CCDC42: variants seen among roughly 807,000 people sequenced by gnomAD.
CCDC42 encodes the protein coiled-coil domain containing 42, also known as coiled-coil domain-containing protein 42.
Under a neutral mutation model 40.8 loss-of-function variants are expected in CCDC42, and 38 were observed. The observed-to-expected ratio is 0.93, with a 90% CI of 0.72 to 1.22. The LOEUF (loss-of-function observed/expected upper bound fraction) is 1.22. Among genes scored for constraint, CCDC42 ranks in the 50% most tolerant of loss-of-function variants. CCDC42 has a pLI of 0.00. For synonymous variants in CCDC42, 135 were observed against 157.5 expected, an observed-to-expected ratio of 0.86 and a Z score of 1.07; for missense variants, 379 against 416.5, an observed-to-expected ratio of 0.91 and a Z score of 0.78.
At chr17:8,737,627 G>A (rs1362997100) in intron 4 of CCDC42, among the ~76,000 whole-genome samples, 5 of 152,056 alleles carry the variant, frequency 3.3e-5, no homozygotes, top group Admixed American at 6.5e-5. Flanking sequence ...GTCTTCCCCC[G>A]ACCAGTGAGG....
chr17:8,742,520 G>A (rs1453408495), intron 3 of CCDC42, among the ~76,000 whole-genome samples: 1 of 152,182 alleles, frequency 6.6e-6, no homozygotes, highest in Non-Finnish European at 1.5e-5. Flanking sequence ...TAAGATTAGG[G>A]GCAAGCCCAC....
chr17:8,732,884 T>C (rs2086589651), intron 6 of CCDC42, among the ~76,000 whole-genome samples: 1 of 152,172 alleles, frequency 6.6e-6, no homozygotes, highest in African/African-American at 2.4e-5. Context: ...GGAATTCAAA[T>C]TGACTTGGCC....
At chr17:8,737,001 A>G (rs1372045460) in intron 4 of CCDC42, among the ~76,000 whole-genome samples, 1 of 128,218 alleles carries the variant, frequency 7.8e-6, no homozygotes, top group Admixed American at 8.0e-5. Context: ...GGGAGGGAGA[A>G]AGGAAGGAAA....
In CCDC42 at chr17:8,737,273, C is replaced by T. The variant is rs183787040; in HGVS notation, c.493-1662G>A. Among the ~76,000 whole-genome samples, 840 of 152,264 alleles carry T rather than the reference C, an allele frequency of 5.5e-3. 10 individuals are homozygous for T. In the Middle Eastern group the frequency reaches 0.072, roughly 13 times the overall value. On this transcript the variant is annotated intron_variant, in intron 4 of 6. Coordinates refer to ENST00000293845, the MANE Select transcript of CCDC42 (RefSeq NM_144681.3). ...CCACATCAGAGCTACTAGGAACACA[C>T]CTCTAAACTTAATGCTGATGTCAAA... is the stretch of plus-strand genomic sequence containing the variant.
At chr17:8,744,019 A>C in intron 2 of CCDC42, 60 bp downstream of exon 2, 19 of 1,070,620 alleles carry the variant, frequency 1.8e-5, no homozygotes, top group Non-Finnish European at 2.4e-5. Context: ...AGGCTCTCCC[A>C]GAGCCCCAGC....
intron 4 of CCDC42, among the ~76,000 whole-genome samples, chr17:8,740,928 A>G (rs533330178): frequency 6.6e-6 from 1 of 152,132 alleles, no homozygotes; most frequent in African/African-American, 2.4e-5. Context: ...AACTGAATGA[A>G]GTTACCCGTG....
At position 8,732,928 on chromosome 17, in the gene CCDC42, G is replaced by A. The variant is rs528316091; in HGVS notation, c.873+2168C>T. On this transcript the variant is annotated intron_variant, in intron 6 of 6. Transcript: ENST00000293845. ...AATCGCTTTTCCTAAGCTGTCCTGT[G>A]TACCACGTTCCTTGTTCTCTATAAG... Among the ~76,000 whole-genome samples the A allele has an allele frequency of 1.3e-4, 20 of 152,266 alleles. No individual in the cohort carries two copies. The South Asian group carries it at 4.2e-3, about 32-fold the overall frequency.
chr17:8,736,552 C>G (rs1273250304), intron 4 of CCDC42, among the ~76,000 whole-genome samples: 1 of 152,218 alleles, frequency 6.6e-6, no homozygotes, highest in African/African-American at 2.4e-5. Context: ...CTTTCAGCCG[C>G]CCAGGGGAAA....
intron 4 of CCDC42, among the ~76,000 whole-genome samples, chr17:8,736,888 G>T (rs1423517211): frequency 3.3e-5 from 5 of 151,368 alleles, no homozygotes; most frequent in African/African-American, 1.2e-4. Flanking sequence ...GTTCAAGATG[G>T]GGAGGGAGAG....
intron 2 of CCDC42, 31 bp downstream of exon 2, chr17:8,744,048 G>T: frequency 1.4e-5 from 21 of 1,482,224 alleles, no homozygotes; most frequent in Admixed American, 5.4e-5. Context: ...TTCCTTTCCT[G>T]CCCCTCTGCA....
At chr17:8,739,531 T>A (rs2086629327) in intron 4 of CCDC42, among the ~76,000 whole-genome samples, 1 of 152,192 alleles carries the variant, frequency 6.6e-6, no homozygotes, top group Admixed American at 6.5e-5. Flanking sequence ...AGACACATCT[T>A]ACAATTTTTT....
Position 8,743,716 on chromosome 17 carries a change from T to C in CCDC42, c.204A>G (p.Arg68=). The change falls in exon 3 of 7, where the codon AGA becomes AGG. Residue 68 remains arginine (R), a synonymous_variant. Coordinates refer to ENST00000293845, the MANE Select transcript of CCDC42 (RefSeq NM_144681.3). ...MVQKKKMFQR[R]METLNLRWEE... The stretch of plus-strand genomic sequence containing the variant: ...CCCAGCGCAGGTTCAGGGTTTCCAT[T>C]CTGCGCTGAAACATCTTTGGGGTGG... 3 of 1,606,564 alleles carry C rather than the reference T, an allele frequency of 1.9e-6. No individual in the cohort carries two copies. Among genetic ancestry groups the C allele is most frequent in the Non-Finnish European group, 2.6e-6 (3 of 1,173,368 alleles).
Position 8,744,498 on chromosome 17 carries a change from G to A in CCDC42, c.83+29C>T, listed in dbSNP as rs374596063. On this transcript the variant is annotated intron_variant, in intron 1 of 6. Coordinates refer to ENST00000293845, the MANE Select transcript of CCDC42 (RefSeq NM_144681.3). ...GTGTGAGTGGTCCCAGGCACAGAGG[G>A]GTGGGCAAGCCAGGCCTCAGACACT... is the stretch of plus-strand genomic sequence containing the variant. 8.6e-5 allele frequency: 137 copies of A among 1,585,002 alleles called. No homozygotes were observed. The African/African-American group carries it at 1.7e-3, about 20-fold the overall frequency.
chr17:8,735,355 G>T lies in CCDC42; in HGVS notation c.714+35C>A. ...TGCTCAGGGCCCGCACTCACCCAGT[G>T]CCTGGGAGCCCCCGGCCCGCCCCGG... On this transcript the variant is annotated intron_variant, in intron 5 of 6. Coordinates refer to ENST00000293845, the MANE Select transcript of CCDC42 (RefSeq NM_144681.3). This position sits in a 1 kb window ranked among gnomAD's most constrained non-coding sequence, Gnocchi z 4.7. 2 of 1,612,038 alleles carry T rather than the reference G, an allele frequency of 1.2e-6. No individual in the cohort carries two copies. Among genetic ancestry groups the T allele is most frequent in the Non-Finnish European group, 1.7e-6 (2 of 1,178,778 alleles).
chr17:8,744,635 C>G lies in CCDC42; in HGVS notation c.-26G>C, dbSNP rs758615945. Reference sequence around the variant, plus strand: ...GGTGGCAGTGACCTCACGGCCCAGGCAGCTGACTCTTCACAGTGAAATTGT... The same window carrying G: ...GGTGGCAGTGACCTCACGGCCCAGGGAGCTGACTCTTCACAGTGAAATTGT... On this transcript the variant is annotated 5_prime_UTR_variant, in exon 1 of 7. Transcript: ENST00000293845. 7.1e-6 allele frequency: 11 copies of G among 1,557,436 alleles called. No homozygotes were observed. In the East Asian group the frequency reaches 2.2e-4, roughly 32 times the overall value.
chr17:8,738,716 G>A (rs1597345513), intron 4 of CCDC42, among the ~76,000 whole-genome samples: 2 of 152,050 alleles, frequency 1.3e-5, no homozygotes, highest in Admixed American at 6.5e-5. Context: ...TGCCCACCTC[G>A]GCCTCCCCAA....
chr17:8,742,499 G>A (rs762366047), intron 3 of CCDC42, among the ~76,000 whole-genome samples: 62 of 152,344 alleles, frequency 4.1e-4, no homozygotes, highest in Non-Finnish European at 6.8e-4. Flanking sequence ...TCCTTCTGCA[G>A]AGCCCTCCCC....
chr17:8,731,935 C>T (rs1326144344), intron 6 of CCDC42, among the ~76,000 whole-genome samples: 2 of 152,052 alleles, frequency 1.3e-5, no homozygotes, highest in African/African-American at 2.4e-5. Flanking sequence ...GAGGCCAAGG[C>T]GGGTGGATCA....
intron 4 of CCDC42, among the ~76,000 whole-genome samples, chr17:8,736,902 G>GAGA (rs1019739697): frequency 6.7e-6 from 1 of 150,156 alleles, no homozygotes; most frequent in Non-Finnish European, 1.5e-5. Flanking sequence ...GGGAGAGACT[G>GAGA]AGAAGAAGAA....
Sources: allele counts gnomAD v4.1 joint callset (sites outside exome capture counted in the v4.1 genomes callset), GRCh38; gene constraint gnomAD v4.1.1; non-coding constraint Gnocchi (gnomAD v3.1); transcripts MANE v1.5; gene names NCBI Gene and HGNC (gene_info 2026-07-23, HGNC 2026-07-21).